Variants in NRXN1 observed in about 807,000 individuals in gnomAD.
NRXN1 encodes neurexin 1.
A neutral mutation model predicts 150.9 loss-of-function variants in NRXN1; 39 were observed. The ratio of observed to expected loss-of-function variants is 0.26; its 90% CI spans 0.20 to 0.34. The LOEUF (loss-of-function observed/expected upper bound fraction) is 0.34. NRXN1 is among the 10% of genes least tolerant of loss of function. The probability of loss-of-function intolerance (pLI) is 1.00; values close to 1 mark genes in which losing one functional copy is unlikely to be tolerated. For missense variants in NRXN1, 1,815 were observed against 1,949.9 expected (o/e 0.93, Z 1.30); for synonymous variants, 924 against 757.0 (o/e 1.22, Z -3.62).
intron 17 of NRXN1, among the ~76,000 whole-genome samples, chr2:50,350,740 C>T (rs11685103): frequency 1.3e-5 from 2 of 152,024 alleles, no homozygotes; most frequent in Non-Finnish European, 2.9e-5. Flanking sequence ...CTCCCTCACT[C>T]CCCTGCCTGT....
At chr2:50,676,436 C>T (rs1379005678) in intron 5 of NRXN1, among the ~76,000 whole-genome samples, 2 of 152,094 alleles carry the variant, frequency 1.3e-5, no homozygotes, top group Non-Finnish European at 2.9e-5. Flanking sequence ...TAGGTTTTAG[C>T]GTAGAATGTC....
At chr2:50,846,678 A>C (rs1559345185) in intron 5 of NRXN1, among the ~76,000 whole-genome samples, 1 of 152,210 alleles carries the variant, frequency 6.6e-6, no homozygotes, top group African/African-American at 2.4e-5. Flanking sequence ...TGTTTTTACT[A>C]CAAAAGCAAC....
intron 17 of NRXN1, among the ~76,000 whole-genome samples, chr2:50,324,440 T>G (rs1227558840): frequency 1.3e-5 from 2 of 152,258 alleles, no homozygotes; most frequent in Non-Finnish European, 2.9e-5. Context: ...AGCACTCACT[T>G]GCAGGAACTT....
At chr2:50,382,656 G>A (rs1301366766) in intron 17 of NRXN1, among the ~76,000 whole-genome samples, 1 of 152,124 alleles carries the variant, frequency 6.6e-6, no homozygotes, top group Non-Finnish European at 1.5e-5. Context: ...CCTAGATAGA[G>A]AGTTATGAAA....
chr2:50,220,026 T>A (rs1389542082), intron 18 of NRXN1, among the ~76,000 whole-genome samples: 2 of 119,158 alleles, frequency 1.7e-5, no homozygotes, highest in South Asian at 2.3e-4. Flanking sequence ...TATATATATA[T>A]AAAGAAAATA....
chr2:50,515,084 T>C (rs1475417706), intron 12 of NRXN1, among the ~76,000 whole-genome samples: 1 of 152,172 alleles, frequency 6.6e-6, no homozygotes, highest in Non-Finnish European at 1.5e-5. Context: ...CATCTGTATT[T>C]ACAGCCGCTC....
In NRXN1 at chr2:49,926,850, G is replaced by C. The variant is rs138661703; in HGVS notation, c.4217-4599C>G. The stretch of plus-strand genomic sequence containing the variant: ...AGAAACACATGGGGAAAATATGTTT[G>C]AGACACATTAGACTTCAGTACAGAC... On this transcript the variant is annotated intron_variant, in intron 22 of 22. Transcript: ENST00000401669. 9.3e-3 allele frequency among the ~76,000 whole-genome samples: 1,422 copies of C among 152,258 alleles called. 31 individuals carry two copies. Among genetic ancestry groups the C allele is most frequent in the African/African-American group, 0.032 (1,335 of 41,544 alleles).
intron 10 of NRXN1, among the ~76,000 whole-genome samples, chr2:50,533,679 T>C (rs4558618): frequency 0.016 from 2,375 of 152,286 alleles, 57 homozygotes; most frequent in African/African-American, 0.053. Context: ...AGTGTGACCC[T>C]GGCCCCAGTC....
intron 15 of NRXN1, among the ~76,000 whole-genome samples, chr2:50,473,448 A>T (rs544228751): frequency 6.6e-6 from 1 of 152,016 alleles, no homozygotes; most frequent in Non-Finnish European, 1.5e-5. Flanking sequence ...TTCAATAAAC[A>T]TAACTAAGTG....
intron 5 of NRXN1, among the ~76,000 whole-genome samples, chr2:50,764,077 T>C (rs1366681665): frequency 5.3e-5 from 8 of 151,304 alleles, no homozygotes; most frequent in South Asian, 4.2e-4. Flanking sequence ...CCTCAGTCCA[T>C]AGCTCTCTGT....
intron 18 of NRXN1, among the ~76,000 whole-genome samples, chr2:50,184,303 G>C (rs1201793966): frequency 6.6e-6 from 1 of 151,900 alleles, no homozygotes; most frequent in East Asian, 1.9e-4. Flanking sequence ...AACCAAAACA[G>C]ACATTTTCAG....
At position 50,755,551 on chromosome 2, in the gene NRXN1, A is replaced by G. The variant is rs556534519; in HGVS notation, c.833-131936T>C. On this transcript the variant is annotated intron_variant, in intron 5 of 22. Coordinates refer to ENST00000401669, the MANE Select transcript of NRXN1 (RefSeq NM_001330078.2). ...ACAAAAGACAGGATAGATTTTTATTACCTGCTGTAATTAAGTTTAGCCTTG... is the reference window on the plus strand; with the variant it reads ...ACAAAAGACAGGATAGATTTTTATTGCCTGCTGTAATTAAGTTTAGCCTTG... Among the ~76,000 whole-genome samples, 5 of 151,922 alleles carry G rather than the reference A, an allele frequency of 3.3e-5. No homozygotes were observed. In the East Asian group the frequency reaches 9.7e-4, roughly 30 times the overall value.
intron 19 of NRXN1, among the ~76,000 whole-genome samples, chr2:50,078,991 A>C (rs1280153773): frequency 6.6e-6 from 1 of 152,064 alleles, no homozygotes; most frequent in Non-Finnish European, 1.5e-5. Flanking sequence ...TGGGATTCTA[A>C]CGATGAATTC....
intron 5 of NRXN1, among the ~76,000 whole-genome samples, chr2:50,873,442 A>T (rs906531578): frequency 6.6e-6 from 1 of 151,826 alleles, no homozygotes; most frequent in Non-Finnish European, 1.5e-5. Context: ...TAATAATAGC[A>T]TTTCTATGGA....
At chr2:50,482,746 G>C (rs918298145) in intron 15 of NRXN1, among the ~76,000 whole-genome samples, 1 of 152,106 alleles carries the variant, frequency 6.6e-6, no homozygotes, top group African/African-American at 2.4e-5. Context: ...ATATGAGATA[G>C]GAGGTCCACA....
chr2:49,989,704 G>C (rs1342906922), intron 21 of NRXN1, among the ~76,000 whole-genome samples: 2 of 152,234 alleles, frequency 1.3e-5, no homozygotes, highest in African/African-American at 4.8e-5. Context: ...GAAAGTAGAA[G>C]CAATTCTAGG....
chr2:50,187,774 G>C (rs751938664), intron 18 of NRXN1, among the ~76,000 whole-genome samples: 11 of 152,054 alleles, frequency 7.2e-5, no homozygotes, highest in Non-Finnish European at 1.5e-5. Context: ...GTGGTTTGTA[G>C]TTTTCCTTGA....
chr2:50,309,792 G>A (rs1228600771), intron 17 of NRXN1, among the ~76,000 whole-genome samples: 1 of 152,036 alleles, frequency 6.6e-6, no homozygotes, highest in East Asian at 1.9e-4. Context: ...CTCCTCCTAA[G>A]TCCCCTTCAA....
At chr2:50,789,522 A>C (rs912510066) in intron 5 of NRXN1, among the ~76,000 whole-genome samples, 1 of 152,204 alleles carries the variant, frequency 6.6e-6, no homozygotes, top group South Asian at 2.1e-4. Flanking sequence ...CCAAAGTTGA[A>C]ATAAAACTGA....
Sources: allele counts gnomAD v4.1 joint callset (sites outside exome capture counted in the v4.1 genomes callset), GRCh38; gene constraint gnomAD v4.1.1; transcripts MANE v1.5; gene names NCBI Gene and HGNC (gene_info 2026-07-23, HGNC 2026-07-21).